Variants in HSPA9 observed in about 807,000 individuals in gnomAD.
HSPA9 encodes the protein heat shock protein family A (Hsp70) member 9.
A neutral mutation model predicts 81.5 loss-of-function variants in HSPA9; 28 were observed. The ratio of observed to expected loss-of-function variants is 0.34; its 90% CI spans 0.25 to 0.47. The LOEUF (loss-of-function observed/expected upper bound fraction) is 0.47, where lower values mean the gene tolerates loss of function less well. Among genes scored for constraint, HSPA9 ranks in the 20% least tolerant of loss-of-function variants. HSPA9 has a pLI of 1.00. For synonymous variants in HSPA9, 293 were observed against 290.4 expected, an observed-to-expected ratio of 1.01 and a Z score of -0.09; for missense variants, 678 against 838.0, an observed-to-expected ratio of 0.81 and a Z score of 2.36.
At chr5:138,572,713 C>T (rs146712803) in intron 3 of HSPA9, among the ~76,000 whole-genome samples, 2 of 152,204 alleles carry the variant, frequency 1.3e-5, no homozygotes, top group Admixed American at 1.3e-4. Flanking sequence ...TCTTCTTATC[C>T]CACTTGTTTG....
Position 138,570,979 on chromosome 5 carries a change from GATC to G in HSPA9, c.388_390del (p.Asp130del). The G allele has an allele frequency of 1.2e-6, 2 of 1,614,096 alleles. No homozygotes were observed. The highest frequency in any genetic ancestry group is 1.7e-6 in the Non-Finnish European group (2 of 1,180,024). ...ACTCACATGTCTTTCTGTACTTCAG[GATC>G]ATCATATCGCCGGCCAATGAGACGC... is the stretch of plus-strand genomic sequence containing the variant. On this transcript the variant is annotated inframe_deletion, in exon 4 of 17. Transcript: ENST00000297185.
intron 3 of HSPA9, among the ~76,000 whole-genome samples, chr5:138,573,524 G>A (rs543222595): frequency 4.8e-4 from 73 of 151,342 alleles, no homozygotes; most frequent in South Asian, 2.9e-3. Flanking sequence ...GGTGGTTCAT[G>A]CCTGTAATCC....
intron 14 of HSPA9, 140 bp from the exon 15 acceptor site, chr5:138,557,006 A>G (rs1472192728): frequency 1.4e-6 from 1 of 722,724 alleles, no homozygotes; most frequent in East Asian, 2.7e-5. Context: ...AGTGGCATGA[A>G]AGAGTCTGGG....
chr5:138,562,292 G>A (rs1205844078), intron 9 of HSPA9, among the ~76,000 whole-genome samples: 1 of 148,974 alleles, frequency 6.7e-6, no homozygotes, highest in Non-Finnish European at 1.5e-5. Context: ...GCTCACGCCT[G>A]TAATCCCAGC....
chr5:138,570,936 C>T, intron 4 of HSPA9, 24 bp downstream of exon 4: 2 of 1,613,100 alleles, frequency 1.2e-6, no homozygotes, highest in Non-Finnish European at 1.7e-6. Flanking sequence ...CTGCTTTTTG[C>T]AAAAAACTTT....
In HSPA9 at chr5:138,555,026, G is replaced by C. The variant is rs914198388; in HGVS notation, c.*1011C>G. The C allele has an allele frequency of 6.6e-6, 1 of 152,110 alleles. No individual in the cohort carries two copies. The highest frequency in any genetic ancestry group is 1.5e-5 in the Non-Finnish European group (1 of 68,026). The allele number at this position is 152,110 out of a possible 1,614,324, so 9.4% of individuals were successfully genotyped here. Reference sequence around the variant, plus strand: ...AAGCAACCTGAAAATAGCCACCTTGGTTTTCATGTTAGAGATCTAAAAACT... The same window carrying C: ...AAGCAACCTGAAAATAGCCACCTTGCTTTTCATGTTAGAGATCTAAAAACT... On this transcript the variant is annotated 3_prime_UTR_variant, in exon 17 of 17. Transcript: ENST00000297185.
intron 3 of HSPA9, among the ~76,000 whole-genome samples, chr5:138,571,877 G>C (rs1275939937): frequency 6.7e-6 from 1 of 149,944 alleles, no homozygotes; most frequent in African/African-American, 2.5e-5. Flanking sequence ...GGCCAGGCTG[G>C]TCTCGAACTC....
Position 138,558,673 on chromosome 5 carries a change from C to T in HSPA9, c.1411-16G>A, listed in dbSNP as rs112933980. ...TAGAGAATACCTAGGGAAGAAGAAA[C>T]CCTCCTGGGTTGTCAATGTGATTAA... On this transcript the variant is annotated splice_polypyrimidine_tract_variant and intron_variant, in intron 11 of 16. Coordinates refer to ENST00000297185, the MANE Select transcript of HSPA9 (RefSeq NM_004134.7). The T allele has an allele frequency of 4.6e-6, 7 of 1,521,086 alleles. No individual in the cohort carries two copies. Among genetic ancestry groups the T allele is most frequent in the Non-Finnish European group, 6.4e-6 (7 of 1,095,092 alleles). 94.2% of individuals were successfully genotyped at this position (1,521,086 alleles called of 1,614,324 possible). A position where few individuals can be genotyped will look rare whatever the true frequency, so the allele number is the denominator to read the frequency against.
rs1446152033 is a variant in HSPA9 at position 138,556,851 on chromosome 5, C to T, written c.1744G>A (p.Val582Ile). 1.2e-6 allele frequency: 2 copies of T among 1,613,246 alleles called. No individual in the cohort carries two copies. Among genetic ancestry groups the T allele is most frequent in the African/African-American group, 2.7e-5 (2 of 74,924 alleles). Residue 582 changes from valine to isoleucine, a missense_variant, in exon 15 of 17, where the codon GTT (valine) becomes ATT (isoleucine). This residue lies in a region of HSPA9 where 484 missense variants were observed against 647.5 expected (regional missense o/e 0.75). Transcript: ENST00000297185. ...DRRKKERVEA[V>I]NMAEGIIHDT... is the part of the protein sequence containing the mutation. ...TGAATGATTCCTTCAGCCATATTAA[C>T]TGCTTCAACTCGTTCCTTAGAGAAA...
At chr5:138,559,704 AAC>A in intron 11 of HSPA9, 158 bp downstream of exon 11, 1 of 653,408 alleles carries the variant, frequency 1.5e-6, no homozygotes, top group Non-Finnish European at 2.8e-6. Flanking sequence ...CAAAAAACAA[AAC>A]ACAGGATTCT....
chr5:138,563,956 T>C (rs1197008933), intron 9 of HSPA9, among the ~76,000 whole-genome samples: 1 of 152,242 alleles, frequency 6.6e-6, no homozygotes, highest in Non-Finnish European at 1.5e-5. Context: ...CTCTGGCCCT[T>C]TCTCAGGTCT....
chr5:138,571,337 C>G (rs112780832), intron 3 of HSPA9, among the ~76,000 whole-genome samples, 196 bp from the exon 4 acceptor site: 1 of 152,110 alleles, frequency 6.6e-6, no homozygotes, highest in Non-Finnish European at 1.5e-5. Flanking sequence ...TGCACCACCA[C>G]ACCAAGCTAA....
At chr5:138,570,511 C>CA (rs1404342776) in intron 4 of HSPA9, among the ~76,000 whole-genome samples, 7 of 152,082 alleles carry the variant, frequency 4.6e-5, no homozygotes, top group African/African-American at 1.4e-4. Flanking sequence ...TCTTTTGAGA[C>CA]AGAGTCTCAG....
At chr5:138,565,992 A>C (rs1169419140) in intron 9 of HSPA9, among the ~76,000 whole-genome samples, 1 of 152,080 alleles carries the variant, frequency 6.6e-6, no homozygotes, top group Non-Finnish European at 1.5e-5. Context: ...CCAAGGACCA[A>C]CCTGGCCAAC....
Position 138,557,930 on chromosome 5 carries a change from A to T in HSPA9, c.1572T>A (p.Ile524=), listed in dbSNP as rs750461748. Residue 524 remains isoleucine, a synonymous_variant, in exon 13 of 17, where the codon ATT becomes ATA. Coordinates refer to ENST00000297185, the MANE Select transcript of HSPA9 (RefSeq NM_004134.7). The part of the protein sequence containing the change: ...GVPQIEVTFD[I]DANGIVHVSA... ...AAACATGTACTATCCCATTGGCATC[A>T]ATGTCAAATGTAACTTCAATCTGAG... The T allele has an allele frequency of 6.2e-7, 1 of 1,611,974 alleles. No individual in the cohort carries two copies. The highest frequency in any genetic ancestry group is 1.1e-5 in the South Asian group (1 of 90,986).
At chr5:138,561,537 C>G in intron 10 of HSPA9, 43 bp downstream of exon 10, 2 of 1,521,136 alleles carry the variant, frequency 1.3e-6, no homozygotes, top group South Asian at 2.3e-5. Context: ...ATACACTATG[C>G]GCCAGCCCTC....
At position 138,570,967 on chromosome 5, in the gene HSPA9, T is replaced by C. The variant is rs1750869584; in HGVS notation, c.403A>G (p.Lys135Glu). The change falls in exon 4 of 17, where the codon AAA (lysine) becomes GAA (glutamate). Residue 135 changes from lysine to glutamate, a missense_variant. Lys to Glu is a moderately conservative substitution (Grantham distance 56, BLOSUM62 1). Coordinates refer to ENST00000297185, the MANE Select transcript of HSPA9 (RefSeq NM_004134.7). ...GRRYDDPEVQ[K>E]DIKNVPFKIV... ...ACTTTTGCTGTTACTCACATGTCTTTCTGTACTTCAGGATCATCATATCGC... is the reference window on the plus strand; with the variant it reads ...ACTTTTGCTGTTACTCACATGTCTTCCTGTACTTCAGGATCATCATATCGC... The C allele has an allele frequency of 6.2e-7, 1 of 1,614,170 alleles. No individual in the cohort carries two copies. Among genetic ancestry groups the C allele is most frequent in the Non-Finnish European group, 8.5e-7 (1 of 1,180,016 alleles).
At chr5:138,569,318 CAGA>C (rs1413617015) in intron 4 of HSPA9, among the ~76,000 whole-genome samples, 3 of 152,182 alleles carry the variant, frequency 2.0e-5, no homozygotes, top group East Asian at 3.8e-4. Context: ...GCGCCCCAGG[CAGA>C]AGATTTTTGC....
At position 138,555,763 on chromosome 5, in the gene HSPA9, C is replaced by T. The variant is rs530498410; in HGVS notation, c.*274G>A. The T allele has an allele frequency of 3.6e-4, 175 of 485,940 alleles. No individual in the cohort carries two copies. Among genetic ancestry groups the T allele is most frequent in the African/African-American group, 3.2e-3 (163 of 51,190 alleles). The allele number at this position is 485,940 out of a possible 1,614,324, so 30.1% of individuals were successfully genotyped here. Reference sequence around the variant, plus strand: ...TCACTTCAGCATAAAATAGTTAAATCTTTATAATGATCAATTCATCCTACC... The same window carrying T: ...TCACTTCAGCATAAAATAGTTAAATTTTTATAATGATCAATTCATCCTACC... On this transcript the variant is annotated 3_prime_UTR_variant, in exon 17 of 17. Transcript: ENST00000297185.
Sources: allele counts gnomAD v4.1 joint callset (sites outside exome capture counted in the v4.1 genomes callset), GRCh38; gene constraint gnomAD v4.1.1; regional missense constraint gnomAD v4.1.1; transcripts MANE v1.5; gene names NCBI Gene and HGNC (gene_info 2026-07-23, HGNC 2026-07-21).